The following PTGER4 variants were observed in gnomAD, a reference collection of about 807,000 sequenced individuals.
The protein encoded by PTGER4 is prostaglandin E2 receptor EP4 subtype.
Under a neutral mutation model 33.2 loss-of-function variants are expected in PTGER4, and 11 were observed. That is an observed-to-expected ratio of 0.33 (90% CI 0.21 to 0.55). The LOEUF is 0.55. Among genes scored for constraint, PTGER4 ranks in the 20% least tolerant of loss-of-function variants. The probability of loss-of-function intolerance (pLI) is 0.92; values close to 1 mark genes in which losing one functional copy is unlikely to be tolerated. For missense variants in PTGER4, 481 were observed against 650.2 expected (o/e 0.74, Z 2.83); for synonymous variants, 275 against 281.5 (o/e 0.98, Z 0.23).
the PTGER4 span, chr5:40,714,399 T>C: frequency 3.9e-5 from 6 of 152,180 alleles, no homozygotes; most frequent in South Asian, 1.0e-3. Flanking sequence ...ATTAAGTTCA[T>C]ATAAGAAAGA....
the PTGER4 span, among the ~76,000 whole-genome samples, chr5:40,719,543 C>T: frequency 6.6e-6 from 1 of 152,132 alleles, no homozygotes; most frequent in African/African-American, 2.4e-5. Flanking sequence ...GGACATATGT[C>T]TTCATTTCTC....
chr5:40,691,475 C>T lies in PTGER4; in HGVS notation c.868-304C>T, dbSNP rs570422030. Among the ~76,000 whole-genome samples the T allele has an allele frequency of 6.6e-6, 1 of 152,328 alleles. No homozygotes were observed. Among genetic ancestry groups the T allele is most frequent in the Non-Finnish European group, 1.5e-5 (1 of 68,018 alleles). ...GATTACAGGCGTGAGCCACCGCACC[C>T]AGCCTAATGTTTGTATTTTTAGTAG... On this transcript the variant is annotated intron_variant, in intron 2 of 2. Transcript: ENST00000302472. This position sits in a 1 kb window ranked among gnomAD's most constrained non-coding sequence, Gnocchi z 4.2.
At chr5:40,736,650 C>T in the PTGER4 span, among the ~76,000 whole-genome samples, 1 of 152,130 alleles carries the variant, frequency 6.6e-6, no homozygotes, top group East Asian at 1.9e-4. Context: ...ATATAAAATC[C>T]TAAAATATTA....
the PTGER4 span, among the ~76,000 whole-genome samples, chr5:40,722,732 G>C: frequency 2.6e-5 from 4 of 151,282 alleles, no homozygotes; most frequent in Admixed American, 2.6e-4. Flanking sequence ...CCGGGAGGTG[G>C]CGGGGCAGCC....
At chr5:40,709,080 T>C in the PTGER4 span, among the ~76,000 whole-genome samples, 1 of 152,190 alleles carries the variant, frequency 6.6e-6, no homozygotes, top group Non-Finnish European at 1.5e-5. Flanking sequence ...AATATCATAC[T>C]GAATGGGCAA....
At chr5:40,695,976 G>A (rs140677969), downstream of PTGER4, among the ~76,000 whole-genome samples, 1,266 of 152,246 alleles carry the variant, frequency 8.3e-3, 11 homozygotes, top group Non-Finnish European at 0.013. Flanking sequence ...TGGGTACTAT[G>A]TTCACTATTT....
chr5:40,720,082 C>T, the PTGER4 span, among the ~76,000 whole-genome samples: 3 of 152,216 alleles, frequency 2.0e-5, no homozygotes, highest in Admixed American at 6.5e-5. Context: ...GTTGTTTGTG[C>T]TTCCAATGTC....
chr5:40,685,483 G>T, intron 2 of PTGER4: 2 of 983,768 alleles, frequency 2.0e-6, no homozygotes, highest in Non-Finnish European at 2.4e-6. Flanking sequence ...CACAAATTTG[G>T]GTATGACTAT....
chr5:40,705,494 G>A, the PTGER4 span, among the ~76,000 whole-genome samples: 2 of 152,126 alleles, frequency 1.3e-5, no homozygotes, highest in Non-Finnish European at 2.9e-5. Flanking sequence ...TTAAACTTAA[G>A]AGCTTCTGCA....
At chr5:40,708,108 C>T in the PTGER4 span, among the ~76,000 whole-genome samples, 6 of 152,122 alleles carry the variant, frequency 3.9e-5, no homozygotes, top group Admixed American at 3.9e-4. Flanking sequence ...ATCCTAACAT[C>T]ACGATTAAAA....
chr5:40,746,587 A>G, the PTGER4 span, among the ~76,000 whole-genome samples: 1 of 152,156 alleles, frequency 6.6e-6, no homozygotes, highest in Non-Finnish European at 1.5e-5. Flanking sequence ...CCTGAAAACT[A>G]TTTTACAAAC....
At chr5:40,696,865 T>C (rs1741591243), downstream of PTGER4, 1 of 296,156 alleles carries the variant, frequency 3.4e-6, no homozygotes, top group Non-Finnish European at 5.0e-6. Flanking sequence ...AGGCAACAGC[T>C]CTGCAATAGG....
At chr5:40,722,438 C>A in the PTGER4 span, among the ~76,000 whole-genome samples, 77 of 151,646 alleles carry the variant, frequency 5.1e-4, no homozygotes, top group African/African-American at 1.7e-3. Context: ...TCTTCCCGGC[C>A]GTCATCCAGT....
chr5:40,711,085 G>GTATATATATATATATA, the PTGER4 span, among the ~76,000 whole-genome samples: 3 of 150,336 alleles, frequency 2.0e-5, no homozygotes, highest in African/African-American at 7.3e-5. Flanking sequence ...ATAAAAATAT[G>GTATATATATATATATA]TATATATATA....
At position 40,684,631 on chromosome 5, in the gene PTGER4, A is replaced by G. The variant is rs550445522; in HGVS notation, c.867+2771A>G. On this transcript the variant is annotated intron_variant, in intron 2 of 2. Transcript: ENST00000302472. ...AAATAGAGTTAAGATTGGAGTGGAA[A>G]TTTGAGAAAGGTTGGGAAATTAGTT... 2.0e-5 allele frequency among the ~76,000 whole-genome samples: 3 copies of G among 152,336 alleles called. No individual in the cohort carries two copies. The South Asian group carries it at 6.2e-4, about 32-fold the overall frequency.
At chr5:40,685,311 G>A (rs1012056055) in intron 2 of PTGER4, 23 of 747,296 alleles carry the variant, frequency 3.1e-5, no homozygotes, top group Non-Finnish European at 3.8e-5. Context: ...TCTCTATAAA[G>A]CTTTCACCAG....
At chr5:40,737,485 A>G in the PTGER4 span, among the ~76,000 whole-genome samples, 1 of 152,230 alleles carries the variant, frequency 6.6e-6, no homozygotes, top group African/African-American at 2.4e-5. Context: ...AATTCAGAAC[A>G]CAAAGACATC....
the PTGER4 span, among the ~76,000 whole-genome samples, chr5:40,718,001 G>A: frequency 6.6e-6 from 1 of 151,746 alleles, no homozygotes; most frequent in South Asian, 2.1e-4. Context: ...GGCGGAGGTT[G>A]CAGTGAGCCA....
the PTGER4 span, among the ~76,000 whole-genome samples, chr5:40,724,201 A>C: frequency 3.7e-4 from 57 of 152,356 alleles, 3 homozygotes; most frequent in South Asian, 0.011. Flanking sequence ...TTCAAAAAAG[A>C]AGCAAATTCT....
Sources: allele counts gnomAD v4.1 joint callset (sites outside exome capture counted in the v4.1 genomes callset), GRCh38; gene constraint gnomAD v4.1.1; non-coding constraint Gnocchi (gnomAD v3.1); transcripts MANE v1.5; gene names NCBI Gene and HGNC (gene_info 2026-07-23, HGNC 2026-07-21).